Variants in LEMD1 observed in about 807,000 individuals in gnomAD.
LEMD1 encodes the protein LEM domain-containing protein 1.
Under a neutral mutation model 17.4 loss-of-function variants are expected in LEMD1, and 18 were observed. That is an observed-to-expected ratio of 1.04 (90% CI 0.72 to 1.54). The LOEUF (loss-of-function observed/expected upper bound fraction) is 1.54. LEMD1 is among the 40% of genes most tolerant of loss of function. LEMD1 has a pLI of 0.00. For synonymous variants in LEMD1, 88 were observed against 77.8 expected, an observed-to-expected ratio of 1.13 and a Z score of -0.69; for missense variants, 195 against 210.4, an observed-to-expected ratio of 0.93 and a Z score of 0.45.
In LEMD1 at chr1:205,381,817, C is replaced by T; in HGVS notation, c.387G>A (p.Gly129=). ...ARAPSTRITY[G]TITKERDYCA... is the part of the protein sequence containing the mutation. ...AGTAGTCTCTCTCTTTGGTGATAGT[C>T]CCATATGTGATTCTGGTGCTTGGTG... The change falls in exon 6 of 6, where the codon GGG becomes GGA. Residue 129 remains glycine (G), a synonymous_variant. Coordinates refer to ENST00000367153, the MANE Select transcript of LEMD1 (RefSeq NM_001199050.2). The T allele has an allele frequency of 1.2e-6, 2 of 1,614,084 alleles. No homozygotes were observed. Among genetic ancestry groups the T allele is most frequent in the Non-Finnish European group, 1.7e-6 (2 of 1,180,024 alleles).
chr1:205,403,456 C>A (rs1326116415), intron 4 of LEMD1, among the ~76,000 whole-genome samples: 3 of 151,720 alleles, frequency 2.0e-5, no homozygotes, highest in African/African-American at 4.8e-5. Flanking sequence ...AGGAATTTAT[C>A]CATTTCTTCT....
intron 3 of LEMD1, 22 bp from the exon 4 acceptor site, chr1:205,416,318 GA>G: frequency 2.7e-6 from 4 of 1,484,048 alleles, no homozygotes; most frequent in Non-Finnish European, 3.7e-6. Context: ...GAAACAAAAG[GA>G]AAATAGGCCA....
intron 4 of LEMD1, among the ~76,000 whole-genome samples, chr1:205,414,779 T>C (rs1665614888): frequency 1.3e-5 from 2 of 152,074 alleles, no homozygotes; most frequent in Admixed American, 6.6e-5. Context: ...TCCTAGCTAC[T>C]TGGGAGGCTG....
chr1:205,381,946 G>C, intron 5 of LEMD1, 90 bp from the exon 6 acceptor site: 5 of 1,247,514 alleles, frequency 4.0e-6, no homozygotes, highest in Non-Finnish European at 5.9e-6. Flanking sequence ...AAGCCCAAGG[G>C]TGCAGTCATG....
intron 4 of LEMD1, among the ~76,000 whole-genome samples, chr1:205,403,199 G>A (rs1009612609): frequency 6.6e-5 from 10 of 152,176 alleles, no homozygotes; most frequent in African/African-American, 1.4e-4. Flanking sequence ...TTGGTATCAG[G>A]ATGGTACTGG....
chr1:205,447,140 G>C (rs985028661), intron 1 of LEMD1, among the ~76,000 whole-genome samples: 3 of 152,252 alleles, frequency 2.0e-5, no homozygotes, highest in African/African-American at 7.2e-5. Flanking sequence ...TGTGCTAAGA[G>C]CATGGGTTTT....
chr1:205,419,923 C>T (rs1665883022), intron 2 of LEMD1, among the ~76,000 whole-genome samples: 1 of 152,098 alleles, frequency 6.6e-6, no homozygotes, highest in Non-Finnish European at 1.5e-5. Context: ...ATGGGGAATA[C>T]AGATAATAAA....
chr1:205,418,944 T>C (rs1325857300), intron 3 of LEMD1, among the ~76,000 whole-genome samples: 1 of 152,236 alleles, frequency 6.6e-6, no homozygotes, highest in African/African-American at 2.4e-5. Context: ...AATTTCTGAT[T>C]GTAAGGCATC....
chr1:205,408,321 G>A (rs949568977), intron 4 of LEMD1, among the ~76,000 whole-genome samples: 69 of 139,980 alleles, frequency 4.9e-4, no homozygotes, highest in African/African-American at 1.8e-3. Flanking sequence ...AAGAGACAAT[G>A]GTAGGGTACA....
chr1:205,408,557 T>C (rs1383313173), intron 4 of LEMD1, among the ~76,000 whole-genome samples: 2 of 150,214 alleles, frequency 1.3e-5, no homozygotes, highest in Non-Finnish European at 3.0e-5. Flanking sequence ...CTGGAGTGCA[T>C]TGGTGCCATC....
chr1:205,419,315 C>T lies in LEMD1; in HGVS notation c.120G>A (p.Gln40=), dbSNP rs774827118. 5.9e-5 allele frequency: 96 copies of T among 1,614,100 alleles called. No homozygotes were observed. Among genetic ancestry groups the T allele is most frequent in the Non-Finnish European group, 8.1e-5 (95 of 1,180,032 alleles). Residue 40 remains glutamine (Q), a synonymous_variant, in exon 3 of 6, where the codon CAG becomes CAA. Coordinates refer to ENST00000367153, the MANE Select transcript of LEMD1 (RefSeq NM_001199050.2). The part of the protein sequence containing the change: ...TRKLYEKKLV[Q]LLVSPPCAPP... ...GTGCACAGGGAGGTGAGACCAACAACTGTACTAACTTTTTTTCATACAACT... is the reference window on the plus strand; with the variant it reads ...GTGCACAGGGAGGTGAGACCAACAATTGTACTAACTTTTTTTCATACAACT...
At chr1:205,431,522 C>G (rs1293036703) in intron 1 of LEMD1, among the ~76,000 whole-genome samples, 2 of 152,158 alleles carry the variant, frequency 1.3e-5, no homozygotes, top group Non-Finnish European at 2.9e-5. Flanking sequence ...TCTAGGCCGC[C>G]ACAGATAGTA....
chr1:205,414,131 T>C (rs1018937958), intron 4 of LEMD1, among the ~76,000 whole-genome samples: 3 of 152,122 alleles, frequency 2.0e-5, no homozygotes, highest in African/African-American at 2.4e-5. Context: ...TTACAGGAGA[T>C]ACTGGAGTTG....
At chr1:205,411,005 G>A (rs1445402176) in intron 4 of LEMD1, among the ~76,000 whole-genome samples, 1 of 149,720 alleles carries the variant, frequency 6.7e-6, no homozygotes. Flanking sequence ...AAAAGAAAAG[G>A]AGGGAGGGAG....
chr1:205,425,708 A>G (rs183692425), upstream of LEMD1, among the ~76,000 whole-genome samples: 111 of 152,314 alleles, frequency 7.3e-4, no homozygotes, highest in African/African-American at 2.6e-3. Flanking sequence ...TGGCAGAAGC[A>G]TCTTCCCTTC....
Position 205,392,089 on chromosome 1 carries a change from C to T in LEMD1, c.271-7725G>A, listed in dbSNP as rs191648614. ...TCACACCACTGCATTCCAGCCTGGG[C>T]GACAGAGAGAGACTCTGTCTCAAGA... On this transcript the variant is annotated intron_variant, in intron 4 of 5. Transcript: ENST00000367153. Among the ~76,000 whole-genome samples, 140 of 151,364 alleles carry T rather than the reference C, an allele frequency of 9.2e-4. 3 individuals are homozygous for T. The South Asian group carries it at 0.012, about 13-fold the overall frequency.
At chr1:205,424,636 C>T (rs1207802777), upstream of LEMD1, among the ~76,000 whole-genome samples, 2 of 152,122 alleles carry the variant, frequency 1.3e-5, no homozygotes, top group Admixed American at 6.5e-5. Context: ...CATAAGCATC[C>T]AAAGGTACAT....
chr1:205,400,378 A>G (rs1664785009), intron 4 of LEMD1, among the ~76,000 whole-genome samples: 1 of 152,188 alleles, frequency 6.6e-6, no homozygotes, highest in African/African-American at 2.4e-5. Context: ...ACAAACACCA[A>G]CTTTTCCAGG....
At chr1:205,421,120 G>A (rs189471246) in intron 1 of LEMD1, among the ~76,000 whole-genome samples, 24 of 152,216 alleles carry the variant, frequency 1.6e-4, no homozygotes, top group African/African-American at 5.8e-4. Flanking sequence ...ACCACCAACA[G>A]ACTTAGTAAT....
Sources: allele counts gnomAD v4.1 joint callset (sites outside exome capture counted in the v4.1 genomes callset), GRCh38; gene constraint gnomAD v4.1.1; transcripts MANE v1.5; gene names NCBI Gene and HGNC (gene_info 2026-07-23, HGNC 2026-07-21).